The following CNOT2 variants were observed in gnomAD, a reference collection of about 807,000 sequenced individuals.
CNOT2 encodes CCR4-NOT transcription complex subunit 2.
Under a neutral mutation model 72.1 loss-of-function variants are expected in CNOT2, and 7 were observed. That is an observed-to-expected ratio of 0.10 (90% CI 0.06 to 0.18). CNOT2 has a LOEUF of 0.18. Among genes scored for constraint, CNOT2 ranks in the 10% least tolerant of loss-of-function variants. The probability of loss-of-function intolerance (pLI) is 1.00; values close to 1 mark genes in which losing one functional copy is unlikely to be tolerated. For missense variants in CNOT2, 345 were observed against 660.3 expected (o/e 0.52, Z 5.23); for synonymous variants, 196 against 225.6 (o/e 0.87, Z 1.17).
Position 70,261,506 on chromosome 12 carries a change from C to T in CNOT2, c.-95-16626C>T, listed in dbSNP as rs1424020347. On this transcript the variant is annotated intron_variant, in intron 1 of 15. Coordinates refer to ENST00000229195, the MANE Select transcript of CNOT2 (RefSeq NM_014515.7). The stretch of plus-strand genomic sequence containing the variant: ...ATTTTTTTGTATTTTTTAGTAGAGA[C>T]GGGGTTTCACCATGTTAGCCAGGAT... 2.6e-5 allele frequency among the ~76,000 whole-genome samples: 4 copies of T among 151,154 alleles called. No homozygotes were observed. The East Asian group carries it at 5.9e-4, about 22-fold the overall frequency.
chr12:70,326,368 A>G (rs1462656380), intron 4 of CNOT2, among the ~76,000 whole-genome samples: 1 of 151,370 alleles, frequency 6.6e-6, no homozygotes, highest in African/African-American at 2.4e-5. Context: ...ACCTGCTCAT[A>G]TACAAGCTCA....
intron 15 of CNOT2, among the ~76,000 whole-genome samples, chr12:70,353,313 G>C (rs1565844208): frequency 2.0e-5 from 3 of 151,908 alleles, no homozygotes; most frequent in Admixed American, 1.3e-4. Flanking sequence ...CTGACCTCGT[G>C]ATCTGCCCAC....
intron 3 of CNOT2, among the ~76,000 whole-genome samples, chr12:70,316,402 C>T (rs1019140656): frequency 2.6e-5 from 4 of 152,062 alleles, no homozygotes; most frequent in Non-Finnish European, 5.9e-5. Context: ...ATTCACATTT[C>T]TTCACTGTGT....
At chr12:70,330,189 A>G in intron 5 of CNOT2, 98 bp from the exon 6 acceptor site, 1 of 569,768 alleles carries the variant, frequency 1.8e-6, no homozygotes, top group Non-Finnish European at 3.1e-6. Context: ...ATTTGAAAGT[A>G]TATTTGAGAT....
intron 2 of CNOT2, among the ~76,000 whole-genome samples, chr12:70,299,063 A>G (rs1179111676): frequency 2.0e-5 from 3 of 152,060 alleles, no homozygotes; most frequent in African/African-American, 7.2e-5. Context: ...TTTATAAGGG[A>G]AAGAGGTTTA....
chr12:70,260,718 C>T (rs77190279), intron 1 of CNOT2, among the ~76,000 whole-genome samples: 1,705 of 151,990 alleles, frequency 0.011, 33 homozygotes, highest in African/African-American at 0.038. Flanking sequence ...TCATTCATTT[C>T]GGTGCTCTTT....
At chr12:70,325,234 T>C (rs1878906580) in intron 4 of CNOT2, among the ~76,000 whole-genome samples, 1 of 151,856 alleles carries the variant, frequency 6.6e-6, no homozygotes, top group South Asian at 2.1e-4. Flanking sequence ...GTAAAATGCT[T>C]GTTAAGGTTA....
Position 70,342,157 on chromosome 12 carries a change from C to T in CNOT2, c.1229C>T (p.Pro410Leu), listed in dbSNP as rs1240355211. ...CCCTGGGCATCTTCACCTTGTCGACCTCAAGACATAGGTAGGAGAATCTAT... is the reference window on the plus strand; with the variant it reads ...CCCTGGGCATCTTCACCTTGTCGACTTCAAGACATAGGTAGGAGAATCTAT... ...ASPWASSPCR[P>L]QDIDFHVPSE... The change falls in exon 12 of 16, where the codon CCT (proline) becomes CTT (leucine). Residue 410 changes from proline (P) to leucine (L), a missense_variant. Pro to Leu is a moderately conservative substitution (Grantham distance 98). This residue lies in a region of CNOT2 where 128 missense variants were observed against 233.0 expected (regional missense o/e 0.55). Transcript: ENST00000229195. The T allele has an allele frequency of 3.1e-6, 5 of 1,611,036 alleles. No individual in the cohort carries two copies. Among genetic ancestry groups the T allele is most frequent in the Non-Finnish European group, 3.4e-6 (4 of 1,177,438 alleles).
At chr12:70,334,776 G>A (rs1462437780) in intron 7 of CNOT2, 5 of 152,036 alleles carry the variant, frequency 3.3e-5, no homozygotes, top group East Asian at 1.9e-4. Context: ...TTTATTGAGC[G>A]CCTACTGTGT....
At chr12:70,318,598 G>C (rs1444746456) in intron 3 of CNOT2, among the ~76,000 whole-genome samples, 1 of 151,696 alleles carries the variant, frequency 6.6e-6, no homozygotes, top group Non-Finnish European at 1.5e-5. Context: ...TAGCTCCAGT[G>C]ATGTTTCATG....
intron 2 of CNOT2, among the ~76,000 whole-genome samples, chr12:70,297,541 C>T (rs940637662): frequency 4.6e-5 from 7 of 152,120 alleles, no homozygotes; most frequent in Non-Finnish European, 7.4e-5. Context: ...ATATGTAATG[C>T]TATAATGTCT....
intron 1 of CNOT2, among the ~76,000 whole-genome samples, chr12:70,252,892 A>G (rs1291831035): frequency 6.6e-6 from 1 of 152,182 alleles, no homozygotes; most frequent in African/African-American, 2.4e-5. Flanking sequence ...GGGACTTGTT[A>G]GGTTAAAGAG....
At chr12:70,288,127 G>A (rs1157420748) in intron 2 of CNOT2, among the ~76,000 whole-genome samples, 1 of 141,736 alleles carries the variant, frequency 7.1e-6, no homozygotes, top group African/African-American at 2.5e-5. Context: ...TTACAATTAT[G>A]GTGTAGCTCT....
At chr12:70,297,778 C>T in intron 2 of CNOT2, 1 of 362,364 alleles carries the variant, frequency 2.8e-6, no homozygotes, top group South Asian at 2.0e-5. Context: ...CACTCTGTCA[C>T]CCAGGCTGGA....
At chr12:70,332,998 A>G (rs1880174012) in intron 7 of CNOT2, 152 bp downstream of exon 7, 1 of 1,237,186 alleles carries the variant, frequency 8.1e-7, no homozygotes, top group Admixed American at 3.8e-5. Context: ...ATAGGATTCA[A>G]TACAGTGAAT....
intron 1 of CNOT2, among the ~76,000 whole-genome samples, chr12:70,248,529 T>G (rs1957996595): frequency 6.6e-6 from 1 of 152,180 alleles, no homozygotes; most frequent in Admixed American, 6.5e-5. Context: ...TTACATCATA[T>G]ATGATACATA....
intron 8 of CNOT2, chr12:70,336,334 G>A (rs1269661819): frequency 6.6e-6 from 1 of 152,090 alleles, no homozygotes. Flanking sequence ...TGGAAATAAA[G>A]GAGGGGAAAC....
intron 4 of CNOT2, among the ~76,000 whole-genome samples, chr12:70,319,907 ACTT>A (rs1203172227): frequency 6.6e-6 from 1 of 151,704 alleles, no homozygotes; most frequent in Non-Finnish European, 1.5e-5. Context: ...GCAGGCTTCT[ACTT>A]CTATTTTTTT....
chr12:70,247,336 A>G (rs920241357), intron 1 of CNOT2, among the ~76,000 whole-genome samples: 1 of 151,888 alleles, frequency 6.6e-6, no homozygotes, highest in Non-Finnish European at 1.5e-5. Flanking sequence ...TTGTATTTTC[A>G]GTAGAGACAG....
Sources: gnomAD v4.1 joint callset for allele counts (sites outside exome capture counted in the v4.1 genomes callset) on GRCh38, gnomAD v4.1.1 for gene constraint, gnomAD v4.1.1 regional missense constraint, MANE v1.5 for transcripts, NCBI Gene and HGNC (gene_info 2026-07-23, HGNC 2026-07-21) for gene names.